GPM6A: variants seen among roughly 807,000 people sequenced by gnomAD.
GPM6A encodes glycoprotein M6A.
GPM6A carries 7 observed loss-of-function variants against 32.1 expected under a neutral mutation model. The ratio of observed to expected loss-of-function variants is 0.22; its 90% CI spans 0.12 to 0.41. The LOEUF is 0.41. Among genes scored for constraint, GPM6A ranks in the 10% least tolerant of loss-of-function variants. The probability of loss-of-function intolerance (pLI) is 1.00; values close to 1 mark genes in which losing one functional copy is unlikely to be tolerated. For synonymous variants in GPM6A, 130 were observed against 123.4 expected (o/e 1.05, Z -0.35); for missense variants, 235 against 347.2 (o/e 0.68, Z 2.57).
intron 1 of GPM6A, among the ~76,000 whole-genome samples, chr4:175,917,208 T>C (rs1432480328): frequency 6.6e-6 from 1 of 152,068 alleles, no homozygotes; most frequent in East Asian, 1.9e-4. Context: ...AGCAAGCGAA[T>C]GGGTCCCAAG....
At chr4:175,650,162 C>T (rs1239021123) in intron 4 of GPM6A, among the ~76,000 whole-genome samples, 1 of 151,986 alleles carries the variant, frequency 6.6e-6, no homozygotes, top group Non-Finnish European at 1.5e-5. Context: ...TCTGCTTTTC[C>T]CCCCGTACAC....
chr4:175,873,203 C>T (rs1247498357), intron 1 of GPM6A, among the ~76,000 whole-genome samples: 1 of 151,700 alleles, frequency 6.6e-6, no homozygotes, highest in Non-Finnish European at 1.5e-5. Flanking sequence ...AAATCATTTA[C>T]CTGGTACTCA....
chr4:175,715,923 G>A (rs552109770), intron 1 of GPM6A, among the ~76,000 whole-genome samples: 1 of 152,154 alleles, frequency 6.6e-6, no homozygotes, highest in East Asian at 1.9e-4. Flanking sequence ...AAATTAGCTG[G>A]GTGTGGTGGC....
At position 175,999,525 on chromosome 4, in the gene GPM6A, C is replaced by CT. The variant is rs113311022; in HGVS notation, c.-23+2783dup. ...TGCAATTTGCCTACTTTGCAAATAA[C>CT]TTTTTTTTTTTTTTACAATCAGCCT... On this transcript the variant is annotated intron_variant, in intron 1 of 7. Coordinates refer to the GPM6A transcript ENST00000280187. 6.8e-3 allele frequency among the ~76,000 whole-genome samples: 998 copies of CT among 146,296 alleles called. 3 individuals are homozygous for CT. Among genetic ancestry groups the CT allele is most frequent in the Non-Finnish European group, 8.8e-3 (581 of 66,370 alleles).
intron 1 of GPM6A, among the ~76,000 whole-genome samples, chr4:175,946,595 T>C (rs1739613882): frequency 6.6e-6 from 1 of 152,036 alleles, no homozygotes; most frequent in African/African-American, 2.4e-5. Flanking sequence ...AGGCAGGTGG[T>C]CCATAGAAGC....
chr4:175,736,839 A>G (rs1731680973), intron 1 of GPM6A, among the ~76,000 whole-genome samples: 1 of 152,224 alleles, frequency 6.6e-6, no homozygotes, highest in Non-Finnish European at 1.5e-5. Context: ...GTAAGATTAT[A>G]ATGTAGCTGA....
At chr4:175,640,855 T>A in intron 4 of GPM6A, 26 bp from the exon 5 acceptor site, 1 of 1,458,238 alleles carries the variant, frequency 6.9e-7, no homozygotes, top group Non-Finnish European at 9.6e-7. Context: ...AATGACAGTT[T>A]AGCAGTATAA....
intron 3 of GPM6A, among the ~76,000 whole-genome samples, chr4:175,662,692 A>C (rs1579355770): frequency 6.6e-6 from 1 of 152,268 alleles, no homozygotes; most frequent in Non-Finnish European, 1.5e-5. Flanking sequence ...ATATTTAGAC[A>C]TTTACCTATC....
At chr4:175,868,669 T>C (rs1446069332) in intron 1 of GPM6A, among the ~76,000 whole-genome samples, 1 of 152,228 alleles carries the variant, frequency 6.6e-6, no homozygotes, top group Non-Finnish European at 1.5e-5. Context: ...TTTTGTTTCA[T>C]GCAGGAACAT....
chr4:175,890,744 T>C (rs1268698863), intron 1 of GPM6A, among the ~76,000 whole-genome samples: 1 of 151,894 alleles, frequency 6.6e-6, no homozygotes, highest in African/African-American at 2.4e-5. Flanking sequence ...ATTGTAGAGA[T>C]GGGGTCTTGC....
intron 1 of GPM6A, among the ~76,000 whole-genome samples, chr4:175,770,084 G>C (rs1044918495): frequency 6.6e-6 from 1 of 152,086 alleles, no homozygotes. Context: ...GCCCAGGCTG[G>C]AGTGCAATCT....
intron 1 of GPM6A, among the ~76,000 whole-genome samples, chr4:175,794,917 C>T (rs1012453417): frequency 6.6e-5 from 10 of 152,050 alleles, no homozygotes; most frequent in Admixed American, 1.3e-4. Context: ...GAAGCCTTTA[C>T]GCAACAGAAT....
At chr4:175,721,424 C>T (rs1378027374) in intron 1 of GPM6A, among the ~76,000 whole-genome samples, 1 of 150,992 alleles carries the variant, frequency 6.6e-6, no homozygotes, top group African/African-American at 2.4e-5. Flanking sequence ...TGCAGTGAGT[C>T]GAGATCACAC....
intron 1 of GPM6A, among the ~76,000 whole-genome samples, chr4:175,923,615 G>A (rs1240304682): frequency 2.0e-5 from 3 of 151,782 alleles, no homozygotes; most frequent in Non-Finnish European, 2.9e-5. Flanking sequence ...GTGCAGTGGC[G>A]TGAGCTTGGC....
At chr4:175,789,413 A>T (rs1330995469) in intron 1 of GPM6A, among the ~76,000 whole-genome samples, 2 of 152,152 alleles carry the variant, frequency 1.3e-5, no homozygotes, top group Admixed American at 6.6e-5. Context: ...TGGCAACTAA[A>T]CTCATTGCAG....
chr4:175,678,274 AG>A (rs1743488693), intron 2 of GPM6A, among the ~76,000 whole-genome samples: 2 of 152,144 alleles, frequency 1.3e-5, no homozygotes, highest in Non-Finnish European at 1.5e-5. Flanking sequence ...TGTGTGGAAA[AG>A]TATGTATATT....
At chr4:175,710,628 G>A (rs531083735) in intron 1 of GPM6A, among the ~76,000 whole-genome samples, 79 of 151,954 alleles carry the variant, frequency 5.2e-4, no homozygotes, top group Non-Finnish European at 9.9e-4. Context: ...TGAGTTTTTC[G>A]GTTTCTGAAA....
intron 1 of GPM6A, among the ~76,000 whole-genome samples, chr4:175,783,303 A>T (rs1392788191): frequency 2.0e-5 from 3 of 151,896 alleles, no homozygotes; most frequent in East Asian, 1.9e-4. Flanking sequence ...TAATTTTTTT[A>T]AAAATAATGG....
At chr4:175,843,287 T>C (rs965495516) in intron 1 of GPM6A, among the ~76,000 whole-genome samples, 3 of 152,234 alleles carry the variant, frequency 2.0e-5, no homozygotes, top group Admixed American at 1.3e-4. Context: ...ATCATTAACT[T>C]TGGTTTCTCC....
Sources: allele counts gnomAD v4.1 joint callset (sites outside exome capture counted in the v4.1 genomes callset), GRCh38; gene constraint gnomAD v4.1.1; transcripts MANE v1.5; gene names NCBI Gene and HGNC (gene_info 2026-07-23, HGNC 2026-07-21).